SAMD12: variants seen among roughly 807,000 people sequenced by gnomAD.
The protein encoded by SAMD12 is sterile alpha motif domain containing 12, also known as sterile alpha motif domain-containing protein 12.
A neutral mutation model predicts 15.0 loss-of-function variants in SAMD12; 9 were observed. The ratio of observed to expected loss-of-function variants is 0.60; its 90% CI spans 0.36 to 1.05. The LOEUF (loss-of-function observed/expected upper bound fraction) is 1.05, where lower values mean the gene tolerates loss of function less well. Ranked by LOEUF, SAMD12 falls within the 50% of genes least tolerant of loss-of-function variation. SAMD12 has a pLI of 0.01. For missense variants in SAMD12, 230 were observed against 234.2 expected (o/e 0.98, Z 0.12); for synonymous variants, 86 against 90.1 (o/e 0.96, Z 0.25).
At chr8:118,323,795 A>G (rs1816428833) in intron 4 of SAMD12, among the ~76,000 whole-genome samples, 1 of 152,048 alleles carries the variant, frequency 6.6e-6, no homozygotes, top group South Asian at 2.1e-4. Context: ...CCTTCCCTGT[A>G]AAATGAGGAT....
chr8:118,621,712 G>T (rs1309523970), intron 1 of SAMD12, 92 bp downstream of exon 1: 16 of 1,451,934 alleles, frequency 1.1e-5, no homozygotes, highest in East Asian at 2.3e-5. Flanking sequence ...CCCTTTCCTC[G>T]CCTCCCCACG....
chr8:118,137,097 T>C, the SAMD12 span, among the ~76,000 whole-genome samples: 1 of 152,288 alleles, frequency 6.6e-6, no homozygotes, highest in South Asian at 2.1e-4. Flanking sequence ...GGCTGAGCAG[T>C]GGCTCCAGGG....
intron 4 of SAMD12, among the ~76,000 whole-genome samples, chr8:118,266,705 A>G (rs1017708387): frequency 6.6e-6 from 1 of 152,138 alleles, no homozygotes; most frequent in Non-Finnish European, 1.5e-5. Context: ...AACCTGGAGG[A>G]CATTGCATTA....
chr8:118,544,105 G>C (rs6469755), intron 2 of SAMD12, among the ~76,000 whole-genome samples: 6,375 of 152,102 alleles, frequency 0.042, 206 homozygotes, highest in Middle Eastern at 0.088. Context: ...GTTTAGGCGA[G>C]TCCGTCGGCT....
intron 4 of SAMD12, among the ~76,000 whole-genome samples, chr8:118,251,759 G>GAA (rs892875565): frequency 6.6e-6 from 1 of 152,058 alleles, no homozygotes; most frequent in Admixed American, 6.6e-5. Flanking sequence ...ATTCACAGCT[G>GAA]AAAGGGGGCC....
intron 1 of SAMD12, among the ~76,000 whole-genome samples, chr8:118,609,622 T>C (rs1031999965): frequency 1.3e-5 from 2 of 152,208 alleles, no homozygotes; most frequent in African/African-American, 4.8e-5. Context: ...ATATCTTCTT[T>C]TTCACCTAAG....
At chr8:118,279,671 G>A (rs1813562565) in intron 4 of SAMD12, among the ~76,000 whole-genome samples, 1 of 152,228 alleles carries the variant, frequency 6.6e-6, no homozygotes, top group Non-Finnish European at 1.5e-5. Flanking sequence ...TGACATTGTG[G>A]TGTGCATTGT....
chr8:118,356,222 G>A (rs1471963760), intron 4 of SAMD12, among the ~76,000 whole-genome samples: 1 of 152,108 alleles, frequency 6.6e-6, no homozygotes, highest in Admixed American at 6.5e-5. Flanking sequence ...TTTGCCTAAG[G>A]TTATACAGGG....
chr8:118,618,013 C>G (rs1187881127), intron 1 of SAMD12, among the ~76,000 whole-genome samples: 1 of 139,192 alleles, frequency 7.2e-6, no homozygotes, highest in Non-Finnish European at 1.5e-5. Flanking sequence ...AATTATTTCA[C>G]AAGACATTGT....
At chr8:118,333,966 G>T in intron 4 of SAMD12, among the ~76,000 whole-genome samples, 1 of 147,760 alleles carries the variant, frequency 6.8e-6, no homozygotes, top group Non-Finnish European at 1.5e-5. Context: ...GCGGGGGGCA[G>T]GGGTGTGTCT....
At chr8:118,272,292 G>A (rs1276125968) in intron 4 of SAMD12, among the ~76,000 whole-genome samples, 2 of 152,228 alleles carry the variant, frequency 1.3e-5, no homozygotes, top group Non-Finnish European at 2.9e-5. Context: ...ACCCCTTTTA[G>A]CCATAGCTGG....
downstream of SAMD12, among the ~76,000 whole-genome samples, chr8:118,184,826 C>T (rs150171363): frequency 1.5e-3 from 221 of 152,232 alleles, no homozygotes; most frequent in African/African-American, 5.1e-3. Context: ...TCTGAATTCA[C>T]CCTCTCTCTA....
intron 3 of SAMD12, among the ~76,000 whole-genome samples, chr8:118,422,663 C>T (rs1042123608): frequency 3.9e-5 from 6 of 152,000 alleles, no homozygotes; most frequent in Non-Finnish European, 5.9e-5. Context: ...TGGTTCAGTC[C>T]GGTTTAAAAA....
chr8:118,459,707 T>C (rs904881394), intron 2 of SAMD12, among the ~76,000 whole-genome samples: 3 of 152,208 alleles, frequency 2.0e-5, no homozygotes, highest in Admixed American at 2.0e-4. Flanking sequence ...AACTTAAAAA[T>C]GATGACATTT....
At chr8:118,458,354 TG>T (rs1249482552) in intron 2 of SAMD12, among the ~76,000 whole-genome samples, 1 of 152,222 alleles carries the variant, frequency 6.6e-6, no homozygotes, top group Non-Finnish European at 1.5e-5. Flanking sequence ...ATTTCTATTC[TG>T]GGGTCTAATT....
chr8:118,362,953 A>G lies in SAMD12; in HGVS notation c.433+16607T>C, dbSNP rs887528901. On this transcript the variant is annotated intron_variant, in intron 4 of 4. Transcript: ENST00000409003. ...CCAATAGCTCAGGTATGCAGGAAAC[A>G]TCTCAGCAAAACCATACACCACATA... Among the ~76,000 whole-genome samples the G allele has an allele frequency of 2.0e-5, 3 of 152,348 alleles. No individual in the cohort carries two copies. In the South Asian group the frequency reaches 6.2e-4, roughly 32 times the overall value.
At chr8:118,435,886 G>A (rs1034150617) in intron 3 of SAMD12, among the ~76,000 whole-genome samples, 8 of 152,146 alleles carry the variant, frequency 5.3e-5, no homozygotes, top group African/African-American at 1.7e-4. Context: ...TCCGAACAGC[G>A]GACACAATTA....
intron 4 of SAMD12, among the ~76,000 whole-genome samples, chr8:118,351,387 AGCGGCAGAACCTTCTCC>A (rs752240480): frequency 1.3e-5 from 2 of 152,188 alleles, no homozygotes; most frequent in African/African-American, 2.4e-5. Context: ...TGGGATGGGA[AGCGGCAGAACCTTCTCC>A]TTTTATTTTA....
intron 1 of SAMD12, among the ~76,000 whole-genome samples, chr8:118,591,676 A>C (rs149985490): frequency 6.6e-6 from 1 of 152,232 alleles, no homozygotes; most frequent in African/African-American, 2.4e-5. Context: ...TAGGAAGACA[A>C]GAAGGAAAAA....
Sources: allele counts gnomAD v4.1 joint callset (sites outside exome capture counted in the v4.1 genomes callset), GRCh38; gene constraint gnomAD v4.1.1; transcripts MANE v1.5; gene names NCBI Gene and HGNC (gene_info 2026-07-23, HGNC 2026-07-21).